ZNF518B: variants seen among roughly 807,000 people sequenced by gnomAD.
ZNF518B encodes zinc finger protein 518B.
ZNF518B carries 23 observed loss-of-function variants against 56.3 expected under a neutral mutation model. The observed-to-expected ratio is 0.41, with a 90% CI of 0.29 to 0.58. The LOEUF is 0.58. Among genes scored for constraint, ZNF518B ranks in the 20% least tolerant of loss-of-function variants. The pLI, the probability that ZNF518B is intolerant of heterozygous loss-of-function variation, is 0.32. For synonymous variants in ZNF518B, 529 were observed against 465.9 expected (o/e 1.14, Z -1.74); for missense variants, 1,460 against 1,272.1 (o/e 1.15, Z -2.25).
At position 10,443,113 on chromosome 4, in the gene ZNF518B, C is replaced by T; in HGVS notation, c.3216G>A (p.Lys1072=). 6.2e-7 allele frequency: 1 copy of T among 1,611,254 alleles called. No homozygotes were observed. Among genetic ancestry groups the T allele is most frequent in the Non-Finnish European group, 8.5e-7 (1 of 1,178,578 alleles). The change falls in exon 3 of 3, where the codon AAG becomes AAA. Residue 1072 remains lysine (K), a synonymous_variant. Transcript: ENST00000326756. ...AAGAGTAACTGTTTACTTATTTGCC[C>T]TTGGAGGAAAGAACATCCCAATCTC... ...ATRDWDVLSS[K]GK
chr4:10,450,580 G>C (rs539795854), intron 2 of ZNF518B, among the ~76,000 whole-genome samples: 1 of 152,126 alleles, frequency 6.6e-6, no homozygotes, highest in Non-Finnish European at 1.5e-5. Flanking sequence ...CTCTCAGCCC[G>C]TCCCTTCCAC....
chr4:10,458,213 G>A (rs928680820), upstream of ZNF518B, among the ~76,000 whole-genome samples: 1 of 152,144 alleles, frequency 6.6e-6, no homozygotes, highest in African/African-American at 2.4e-5. Context: ...GCCAGGTCCC[G>A]CACAATCAGT....
intron 2 of ZNF518B, among the ~76,000 whole-genome samples, chr4:10,448,222 C>T (rs1331591928): frequency 6.6e-6 from 1 of 152,046 alleles, no homozygotes; most frequent in African/African-American, 2.4e-5. Context: ...TTTTTGAGTC[C>T]TTCTCCAAGT....
rs4077362 is a variant in ZNF518B at position 10,457,345 on chromosome 4, C to T, written c.-424G>A. ...GCAGGCCGGATTCGGGTGCCAGGTC[C>T]CGGCGAAGGGGCGTCTACACCGCCG... On this transcript the variant is annotated 5_prime_UTR_variant, in exon 1 of 3. Coordinates refer to ENST00000326756, the MANE Select transcript of ZNF518B (RefSeq NM_053042.3). The T allele has an allele frequency of 0.16, 24,758 of 151,886 alleles. 2,539 individuals carry two copies. Among genetic ancestry groups the T allele is most frequent in the Admixed American group, 0.25 (3,844 of 15,260 alleles). 9.4% of individuals were successfully genotyped at this position (151,886 alleles called of 1,614,324 possible).
At chr4:10,455,956 G>GAC (rs1309420575) in intron 1 of ZNF518B, among the ~76,000 whole-genome samples, 3 of 152,204 alleles carry the variant, frequency 2.0e-5, no homozygotes, top group African/African-American at 7.2e-5. Context: ...GCTGTGTACT[G>GAC]ACATCATATG....
In ZNF518B at chr4:10,444,060, TG is replaced by T. The variant is rs1205806083; in HGVS notation, c.2268del (p.Ser758AlafsTer14). On this transcript the variant is annotated frameshift_variant, in exon 3 of 3. Coordinates refer to ENST00000326756, the MANE Select transcript of ZNF518B (RefSeq NM_053042.3). LOFTEE classifies it high-confidence loss of function. ...PHFADGSNRKTKSRVARKAHV... is the reference protein window; with the variant it reads ...PHFADGSNRKXKSRVARKAHV... Reference sequence around the variant, plus strand: ...TGAGCCTTCCTGGCCACTCTGCTTTTGGTTTTCCTATTACTGCCATCTGCAA... The same window carrying T: ...TGAGCCTTCCTGGCCACTCTGCTTTTGTTTTCCTATTACTGCCATCTGCAA... 2 of 1,614,240 alleles carry T rather than the reference TG, an allele frequency of 1.2e-6. No individual in the cohort carries two copies. The highest frequency in any genetic ancestry group is 1.7e-6 in the Non-Finnish European group (2 of 1,180,046).
At chr4:10,451,356 T>G (rs899051437) in intron 2 of ZNF518B, 3 of 152,212 alleles carry the variant, frequency 2.0e-5, no homozygotes, top group Non-Finnish European at 2.9e-5. Flanking sequence ...AACATAGTGT[T>G]TAAAGGTAGA....
Position 10,444,309 on chromosome 4 carries a change from CAAT to C in ZNF518B, c.2017_2019del (p.Ile673del). On this transcript the variant is annotated inframe_deletion, in exon 3 of 3. Transcript: ENST00000326756. ...AAAGATGACGGCTTCCCACAGGACT[CAAT>C]TAACTGAGCTATCTTTCTGCGCAAC... The C allele has an allele frequency of 2.5e-6, 4 of 1,614,196 alleles. No homozygotes were observed. Among genetic ancestry groups the C allele is most frequent in the Non-Finnish European group, 3.4e-6 (4 of 1,180,034 alleles).
chr4:10,454,788 T>C lies in ZNF518B; in HGVS notation c.-212+17A>G, dbSNP rs1436842877. On this transcript the variant is annotated intron_variant, in intron 2 of 2. Coordinates refer to ENST00000326756, the MANE Select transcript of ZNF518B (RefSeq NM_053042.3). ...AGCCATAGTCAGTATCTGCTGCCACTTGAGCACTGTTCTTACTTCCTGCCT... is the reference window on the plus strand; with the variant it reads ...AGCCATAGTCAGTATCTGCTGCCACCTGAGCACTGTTCTTACTTCCTGCCT... 2 of 152,274 alleles carry C rather than the reference T, an allele frequency of 1.3e-5. No individual in the cohort carries two copies. Among genetic ancestry groups the C allele is most frequent in the Non-Finnish European group, 1.5e-5 (1 of 68,070 alleles). 9.4% of individuals were successfully genotyped at this position (152,274 alleles called of 1,614,324 possible). A position where few individuals can be genotyped will look rare whatever the true frequency, so the allele number is the denominator to read the frequency against.
At chr4:10,459,641 G>C (rs1004488543), upstream of ZNF518B, among the ~76,000 whole-genome samples, 4 of 152,150 alleles carry the variant, frequency 2.6e-5, no homozygotes, top group East Asian at 3.9e-4. Flanking sequence ...CTGTGTCTCT[G>C]TGAAGAGACG....
chr4:10,452,624 C>A (rs1715369730), intron 2 of ZNF518B: 1 of 152,148 alleles, frequency 6.6e-6, no homozygotes, highest in African/African-American at 2.4e-5. Context: ...GAAGGCAGGA[C>A]ATCTGGGCCA....
upstream of ZNF518B, among the ~76,000 whole-genome samples, chr4:10,460,803 C>A (rs1715722042): frequency 6.6e-6 from 1 of 152,166 alleles, no homozygotes; most frequent in Admixed American, 6.5e-5. Flanking sequence ...TATTATATGA[C>A]TTGACAAAAA....
rs753305040 is a variant in ZNF518B at position 10,444,361 on chromosome 4, C to T, written c.1968G>A (p.Thr656=). The T allele has an allele frequency of 3.3e-5, 53 of 1,614,040 alleles. No individual in the cohort carries two copies. The South Asian group carries it at 5.3e-4, about 16-fold the overall frequency. The part of the protein sequence containing the change: ...VPEGIKWNSS[T]SKIKSIELLR... ...ACAGTTCAATTGACTTTATTTTAGA[C>T]GTTGAGCTATTCCACTTAATGCCCT... is the stretch of plus-strand genomic sequence containing the variant. The change falls in exon 3 of 3, where the codon ACG becomes ACA. Residue 656 remains threonine (T), a synonymous_variant. Coordinates refer to ENST00000326756, the MANE Select transcript of ZNF518B (RefSeq NM_053042.3).
intron 2 of ZNF518B, chr4:10,453,024 T>G (rs772849423): frequency 4.6e-4 from 70 of 152,338 alleles, no homozygotes; most frequent in Middle Eastern, 6.8e-3. Flanking sequence ...AATAATGACC[T>G]TGGGACAAGA....
At position 10,445,988 on chromosome 4, in the gene ZNF518B, G is replaced by C; in HGVS notation, c.341C>G (p.Thr114Ser). Residue 114 changes from threonine to serine, a missense_variant, in exon 3 of 3, where the codon ACT (threonine) becomes AGT (serine). Transcript: ENST00000326756. ...ATTGACAGAACTTGAGAAGTTTTCA[G>C]TTTTATTTCCAACATGAGTCGCACT... ...NSSATHVGNK[T>S]ENFSSSVNSK... The C allele has an allele frequency of 6.2e-7, 1 of 1,614,164 alleles. No homozygotes were observed.
At chr4:10,453,074 CAT>C (rs975780866) in intron 2 of ZNF518B, 6 of 152,200 alleles carry the variant, frequency 3.9e-5, no homozygotes, top group African/African-American at 9.7e-5. Flanking sequence ...TTTACTAGCA[CAT>C]GATTTCAAAC....
In ZNF518B at chr4:10,444,898, AG is replaced by A; in HGVS notation, c.1430del (p.Pro477LeufsTer5). On this transcript the variant is annotated frameshift_variant, in exon 3 of 3. Transcript: ENST00000326756. LOFTEE classifies it high-confidence loss of function. The stretch of plus-strand genomic sequence containing the variant: ...GAGAATGACCTTTTAAGGCAACGGA[AG>A]GAAAAGCAGTTCTATGTGGATACAA... ...NNLYPHRTAF[P>X]SVALKGHSLA... 6.2e-7 allele frequency: 1 copy of A among 1,612,048 alleles called. No individual in the cohort carries two copies. The highest frequency in any genetic ancestry group is 8.5e-7 in the Non-Finnish European group (1 of 1,179,396).
chr4:10,451,332 G>A (rs904747912), intron 2 of ZNF518B: 1 of 152,196 alleles, frequency 6.6e-6, no homozygotes, highest in African/African-American at 2.4e-5. Flanking sequence ...AAAATTTGAA[G>A]AGAAGTAAGT....
At chr4:10,452,854 TCCAAATGCTG>T (rs1232739950) in intron 2 of ZNF518B, 3 of 152,196 alleles carry the variant, frequency 2.0e-5, no homozygotes, top group African/African-American at 7.2e-5. Context: ...GAAAAATACT[TCCAAATGCTG>T]CCGACAAATG....
Sources: allele counts gnomAD v4.1 joint callset (sites outside exome capture counted in the v4.1 genomes callset), GRCh38; gene constraint gnomAD v4.1.1; transcripts MANE v1.5; gene names NCBI Gene and HGNC (gene_info 2026-07-23, HGNC 2026-07-21).